EYA2: variants seen among roughly 807,000 people sequenced by gnomAD.
EYA2 encodes EYA transcriptional coactivator and phosphatase 2.
A neutral mutation model predicts 69.2 loss-of-function variants in EYA2; 31 were observed. The observed-to-expected ratio is 0.45, with a 90% confidence interval of 0.34 to 0.60. The LOEUF is 0.60. Ranked by LOEUF, EYA2 falls within the 20% of genes least tolerant of loss-of-function variation. EYA2 has a pLI of 0.02. For synonymous variants in EYA2, 257 were observed against 279.4 expected, an observed-to-expected ratio of 0.92 and a Z score of 0.80; for missense variants, 622 against 701.2, an observed-to-expected ratio of 0.89 and a Z score of 1.28.
Position 47,040,544 on chromosome 20 carries a change from T to G in EYA2, c.415+24247T>G, listed in dbSNP as rs751776795. On this transcript the variant is annotated intron_variant, in intron 5 of 15. Coordinates refer to ENST00000327619, the MANE Select transcript of EYA2 (RefSeq NM_005244.5). ...GCACGGGGCCAGCCCTCAGGGACAT[T>G]CAGCACTGTTTTCATTATTTCCTGT... Among the ~76,000 whole-genome samples, 70 of 152,312 alleles carry G rather than the reference T, an allele frequency of 4.6e-4. 1 individual carries two copies. Among genetic ancestry groups the G allele is most frequent in the Middle Eastern group, 6.8e-3 (2 of 294 alleles).
intron 4 of EYA2, among the ~76,000 whole-genome samples, chr20:47,012,074 C>T (rs995316669): frequency 1.3e-5 from 2 of 152,234 alleles, no homozygotes; most frequent in Non-Finnish European, 2.9e-5. Context: ...TCTGTAGCAT[C>T]AAGATCTGTA....
intron 5 of EYA2, among the ~76,000 whole-genome samples, chr20:47,041,137 C>T (rs1985040982): frequency 6.6e-6 from 1 of 152,154 alleles, no homozygotes; most frequent in Non-Finnish European, 1.5e-5. Context: ...TGAAGCAGTC[C>T]CGCCCCTGCG....
At chr20:47,016,941 G>T (rs186959797) in intron 5 of EYA2, among the ~76,000 whole-genome samples, 20 of 152,350 alleles carry the variant, frequency 1.3e-4, no homozygotes, top group Admixed American at 3.9e-4. Context: ...TAGAGACTCA[G>T]AAATGTCGGG....
At chr20:47,001,926 C>A (rs1009140671) in intron 3 of EYA2, among the ~76,000 whole-genome samples, 18 of 150,182 alleles carry the variant, frequency 1.2e-4, no homozygotes, top group Non-Finnish European at 2.4e-4. Flanking sequence ...TCTTTTCAAT[C>A]TCCCTTCTAT....
intron 10 of EYA2, among the ~76,000 whole-genome samples, chr20:47,156,063 T>TAC (rs1160203854): frequency 5.3e-4 from 24 of 45,620 alleles, no homozygotes; most frequent in South Asian, 2.1e-3. Context: ...TATATATACA[T>TAC]ACACACACAC....
chr20:47,089,505 T>C (rs1478538937), intron 8 of EYA2, 124 bp downstream of exon 8: 1 of 1,153,900 alleles, frequency 8.7e-7, no homozygotes, highest in African/African-American at 1.5e-5. Flanking sequence ...TTACAAAGCA[T>C]GAGCAGGGAA....
intron 1 of EYA2, among the ~76,000 whole-genome samples, chr20:46,905,608 G>A (rs1984312928): frequency 6.6e-6 from 1 of 152,228 alleles, no homozygotes; most frequent in African/African-American, 2.4e-5. Flanking sequence ...CCGGAATGAA[G>A]TGACTTCCTC....
At chr20:46,936,343 C>T (rs762425111) in intron 1 of EYA2, among the ~76,000 whole-genome samples, 2 of 152,120 alleles carry the variant, frequency 1.3e-5, no homozygotes, top group East Asian at 1.9e-4. Context: ...TGGTGGCACA[C>T]GCTTGTAGTC....
At chr20:47,059,085 T>C (rs552449507) in intron 5 of EYA2, among the ~76,000 whole-genome samples, 66 of 152,054 alleles carry the variant, frequency 4.3e-4, no homozygotes, top group African/African-American at 1.5e-3. Flanking sequence ...AACAAATAAA[T>C]AACAGGAGGG....
intron 1 of EYA2, among the ~76,000 whole-genome samples, chr20:46,926,181 C>G (rs1419467250): frequency 1.3e-5 from 2 of 152,020 alleles, no homozygotes; most frequent in Non-Finnish European, 2.9e-5. Context: ...GACTAATTAA[C>G]TATTAATTAG....
intron 7 of EYA2, among the ~76,000 whole-genome samples, chr20:47,086,464 G>A (rs1347342153): frequency 6.6e-6 from 1 of 152,176 alleles, no homozygotes; most frequent in Non-Finnish European, 1.5e-5. Flanking sequence ...AAGGCCTCAG[G>A]AAATTTGCAA....
At chr20:46,905,432 C>T (rs982731669) in intron 1 of EYA2, among the ~76,000 whole-genome samples, 2 of 152,254 alleles carry the variant, frequency 1.3e-5, no homozygotes, top group African/African-American at 4.8e-5. Flanking sequence ...ATTTCAATAG[C>T]ATCCTTCATC....
rs147754064 is a variant in EYA2 at position 46,930,498 on chromosome 20, C to T, written c.-11+35511C>T. Among the ~76,000 whole-genome samples the T allele has an allele frequency of 2.6e-3, 401 of 151,996 alleles. 1 individual carries two copies. The highest frequency in any genetic ancestry group is 9.5e-3 in the African/African-American group (392 of 41,428). On this transcript the variant is annotated intron_variant, in intron 1 of 15. Coordinates refer to ENST00000327619, the MANE Select transcript of EYA2 (RefSeq NM_005244.5). ...ATACACGAAGCTCAGTTGTCCTCTG[C>T]CAGGGTGAGACTTCTGTGGGGCTTC... is the stretch of plus-strand genomic sequence containing the variant.
At chr20:47,094,904 A>G (rs2032200194) in intron 8 of EYA2, among the ~76,000 whole-genome samples, 1 of 152,118 alleles carries the variant, frequency 6.6e-6, no homozygotes, top group African/African-American at 2.4e-5. Flanking sequence ...ATGGTGCCAC[A>G]TGCCTGTAGT....
intron 9 of EYA2, among the ~76,000 whole-genome samples, chr20:47,098,709 G>A (rs944676154): frequency 4.6e-5 from 7 of 152,194 alleles, no homozygotes; most frequent in African/African-American, 7.2e-5. Context: ...CCTCCAACTC[G>A]GCTTCCTATC....
At chr20:47,165,143 C>A (rs114846126) in intron 10 of EYA2, among the ~76,000 whole-genome samples, 2,819 of 152,322 alleles carry the variant, frequency 0.019, 97 homozygotes, top group African/African-American at 0.064. Context: ...ATAACTATAA[C>A]TAGCCACAGG....
chr20:46,965,244 A>G (rs1272972913), intron 1 of EYA2, among the ~76,000 whole-genome samples: 1 of 152,244 alleles, frequency 6.6e-6, no homozygotes, highest in Non-Finnish European at 1.5e-5. Flanking sequence ...ACAAGGGCCA[A>G]GGCTGGAGTT....
intron 5 of EYA2, among the ~76,000 whole-genome samples, chr20:47,040,522 C>G (rs1347210111): frequency 6.6e-6 from 1 of 152,196 alleles, no homozygotes; most frequent in Admixed American, 6.5e-5. Flanking sequence ...GGGCTCAGCA[C>G]GGGGCCAGCC....
intron 9 of EYA2, among the ~76,000 whole-genome samples, chr20:47,119,167 A>G (rs2032980763): frequency 5.9e-5 from 9 of 152,214 alleles, no homozygotes; most frequent in Admixed American, 5.9e-4. Context: ...CTTATTTCCC[A>G]ACAATAGTGT....
Sources: gnomAD v4.1 joint callset for allele counts (sites outside exome capture counted in the v4.1 genomes callset) on GRCh38, gnomAD v4.1.1 for gene constraint, MANE v1.5 for transcripts, NCBI Gene and HGNC (gene_info 2026-07-23, HGNC 2026-07-21) for gene names.